Variants in PARP15 observed in about 807,000 individuals in gnomAD.
PARP15 encodes poly(ADP-ribose) polymerase family member 15.
A neutral mutation model predicts 62.1 loss-of-function variants in PARP15; 50 were observed. The observed-to-expected ratio is 0.81, with a 90% CI of 0.64 to 1.02. PARP15 has a LOEUF of 1.02. Ranked by LOEUF, PARP15 falls within the 50% of genes least tolerant of loss-of-function variation. PARP15 has a pLI of 0.00. For missense variants in PARP15, 820 were observed against 826.5 expected, an observed-to-expected ratio of 0.99 and a Z score of 0.10; for synonymous variants, 309 against 293.1, an observed-to-expected ratio of 1.05 and a Z score of -0.55.
chr3:122,600,661 T>G (rs6776754), intron 1 of PARP15, among the ~76,000 whole-genome samples: 13,209 of 152,156 alleles, frequency 0.087, 1,263 homozygotes, highest in African/African-American at 0.24. Context: ...TTTGCAACAT[T>G]TGGCACTTTG....
chr3:122,626,708 G>C, intron 8 of PARP15, 119 bp from the exon 9 acceptor site: 1 of 838,100 alleles, frequency 1.2e-6, no homozygotes, highest in Non-Finnish European at 1.9e-6. Flanking sequence ...GTGAGTGTCA[G>C]ATCAATTCCT....
rs1408634407 is a variant in PARP15, at chr3:122,635,803, C to G, written c.1748-8C>G. On this transcript the variant is annotated splice_polypyrimidine_tract_variant and splice_region_variant and intron_variant, in intron 11 of 11. Coordinates refer to ENST00000464300, the MANE Select transcript of PARP15 (RefSeq NM_001113523.3). ...TTCTTAGGAAGGTTTTTGTCTTTCT[C>G]TTTCCAGCTGTATCCTATGGAAAAG... is the stretch of plus-strand genomic sequence containing the variant. 1.9e-6 allele frequency: 3 copies of G among 1,604,286 alleles called. No homozygotes were observed. Among genetic ancestry groups the G allele is most frequent in the Non-Finnish European group, 2.6e-6 (3 of 1,175,056 alleles).
chr3:122,607,973 T>C (rs928737438), intron 2 of PARP15, among the ~76,000 whole-genome samples: 5 of 152,188 alleles, frequency 3.3e-5, no homozygotes. Flanking sequence ...TCTACATCAC[T>C]GTTTGATATA....
intron 1 of PARP15, among the ~76,000 whole-genome samples, chr3:122,587,010 T>C (rs1420655516): frequency 6.6e-6 from 1 of 152,260 alleles, no homozygotes; most frequent in African/African-American, 2.4e-5. Flanking sequence ...CTTTGCCTTT[T>C]CCAGAATGTC....
At chr3:122,631,533 C>G (rs1180557703) in intron 9 of PARP15, among the ~76,000 whole-genome samples, 4 of 152,254 alleles carry the variant, frequency 2.6e-5, no homozygotes, top group South Asian at 2.1e-4. Flanking sequence ...TTTAGAAGTT[C>G]CAGGAAGCCA....
chr3:122,578,450 A>G (rs188439529), intron 1 of PARP15, among the ~76,000 whole-genome samples: 52 of 152,228 alleles, frequency 3.4e-4, no homozygotes, highest in African/African-American at 1.2e-3. Context: ...TTTTTTTTCA[A>G]ATGGGTATCA....
chr3:122,578,048 GTGGT>G (rs1435767023), intron 1 of PARP15, among the ~76,000 whole-genome samples, 195 bp downstream of exon 1: 1 of 117,142 alleles, frequency 8.5e-6, no homozygotes, highest in Non-Finnish European at 1.9e-5. Flanking sequence ...AGCATTTCTG[GTGGT>G]TTTTTTTTTT....
At chr3:122,590,653 A>G (rs925362141) in intron 1 of PARP15, among the ~76,000 whole-genome samples, 2 of 111,644 alleles carry the variant, frequency 1.8e-5, no homozygotes, top group Non-Finnish European at 3.9e-5. Context: ...TACTACTTCT[A>G]AGGAGAGTGA....
At position 122,614,231 on chromosome 3, in the gene PARP15, G is replaced by T. The variant is rs117123017; in HGVS notation, c.771+963G>T. Among the ~76,000 whole-genome samples the T allele has an allele frequency of 8.5e-5, 13 of 152,266 alleles. No homozygotes were observed. The East Asian group carries it at 2.5e-3, about 29-fold the overall frequency. Reference sequence around the variant, plus strand: ...AAAACGGGTGTATTTGAAGTGTTTTGCATGATATCTAGCACATAGAAAACC... The same window carrying T: ...AAAACGGGTGTATTTGAAGTGTTTTTCATGATATCTAGCACATAGAAAACC... On this transcript the variant is annotated intron_variant, in intron 4 of 11. Coordinates refer to ENST00000464300, the MANE Select transcript of PARP15 (RefSeq NM_001113523.3).
chr3:122,601,550 A>G (rs1934796452), intron 1 of PARP15, among the ~76,000 whole-genome samples: 1 of 152,180 alleles, frequency 6.6e-6, no homozygotes, highest in African/African-American at 2.4e-5. Flanking sequence ...TCTTTCACCT[A>G]GGAATCTGCA....
intron 2 of PARP15, among the ~76,000 whole-genome samples, chr3:122,608,713 A>G (rs1425601562): frequency 6.6e-6 from 1 of 151,380 alleles, no homozygotes; most frequent in African/African-American, 2.4e-5. Context: ...ATATTTGTAT[A>G]TTTAACAATG....
chr3:122,609,646 C>T (rs1481738598), intron 2 of PARP15, among the ~76,000 whole-genome samples: 7 of 150,534 alleles, frequency 4.7e-5, no homozygotes, highest in East Asian at 3.9e-4. Context: ...TGCAGTGAGC[C>T]GAGATCATGC....
rs1314641704 is a variant in PARP15 at position 122,638,858 on chromosome 3, T to C, written c.*2758T>C. 1 of 152,202 alleles carries C rather than the reference T, an allele frequency of 6.6e-6. No individual in the cohort carries two copies. Among genetic ancestry groups the C allele is most frequent in the Non-Finnish European group, 1.5e-5 (1 of 68,036 alleles). 9.4% of individuals were successfully genotyped at this position (152,202 alleles called of 1,614,324 possible). ...TTAAACATTACAAGTTGTTCTCTTG[T>C]GTTCTTATTTTTTCTGTAAACATAA... On this transcript the variant is annotated 3_prime_UTR_variant, in exon 12 of 12. Coordinates refer to ENST00000464300, the MANE Select transcript of PARP15 (RefSeq NM_001113523.3).
At chr3:122,628,503 A>G (rs1348958424) in intron 9 of PARP15, among the ~76,000 whole-genome samples, 1 of 152,222 alleles carries the variant, frequency 6.6e-6, no homozygotes, top group Non-Finnish European at 1.5e-5. Context: ...CTTGTAGATG[A>G]AAATTTTTAT....
chr3:122,628,821 C>T (rs1936894139), intron 9 of PARP15, among the ~76,000 whole-genome samples: 1 of 152,142 alleles, frequency 6.6e-6, no homozygotes, highest in Admixed American at 6.5e-5. Context: ...AGGAATAATA[C>T]AGATGAAATA....
chr3:122,611,167 G>C (rs186887507), intron 3 of PARP15, among the ~76,000 whole-genome samples: 3 of 152,242 alleles, frequency 2.0e-5, no homozygotes, highest in Admixed American at 6.5e-5. Context: ...GAAGAAAAAA[G>C]AGTCAGTGCC....
chr3:122,626,847 A>G lies in PARP15; in HGVS notation c.1252A>G (p.Ile418Val), dbSNP rs1936761581. ...IGTGNAGKNP[I>V]TVADNIIDAI... ...TTCAGGAAATGCCGGAAAAAACCCT[A>G]TCACAGTTGCTGATAACATAATCGA... The change falls in exon 9 of 12, where the codon ATC becomes GTC. Residue 418 changes from isoleucine (I) to valine (V), a missense_variant. Transcript: ENST00000464300. The G allele has an allele frequency of 1.2e-6, 2 of 1,610,992 alleles. No homozygotes were observed. The highest frequency in any genetic ancestry group is 1.1e-5 in the South Asian group (1 of 89,828).
chr3:122,620,842 C>G (rs1343778427), intron 7 of PARP15, among the ~76,000 whole-genome samples: 1 of 151,604 alleles, frequency 6.6e-6, no homozygotes, highest in Non-Finnish European at 1.5e-5. Context: ...CTTTTGCTGG[C>G]CCCAGCCTTA....
Position 122,579,999 on chromosome 3 carries a change from G to GTATATATGTA in PARP15, c.186+2153_186+2154insGTATATATAT, listed in dbSNP as rs1553725410. On this transcript the variant is annotated intron_variant, in intron 1 of 11. Transcript: ENST00000464300. ...GTCTGAACAACAACAGCAACTATAT[G>GTATATATGTA]TATATATATATATATATATATATAT... Among the ~76,000 whole-genome samples, 436 of 64,430 alleles carry GTATATATGTA rather than the reference G, an allele frequency of 6.8e-3. 19 individuals carry two copies. The highest frequency in any genetic ancestry group is 0.037 in the South Asian group (59 of 1,614). The allele number at this position is 64,430 out of a possible 152,430, so 42.3% of individuals were successfully genotyped here.
Sources: allele counts gnomAD v4.1 joint callset (sites outside exome capture counted in the v4.1 genomes callset), GRCh38; gene constraint gnomAD v4.1.1; transcripts MANE v1.5; gene names NCBI Gene and HGNC (gene_info 2026-07-23, HGNC 2026-07-21).